Variants in MRC2 observed in about 807,000 individuals in gnomAD.
The protein encoded by MRC2 is mannose receptor C-type 2.
In MRC2, 84 loss-of-function variants were observed where a neutral mutation model predicts 206.2. The observed-to-expected ratio is 0.41, with a 90% CI of 0.34 to 0.49. MRC2 has a LOEUF of 0.49. MRC2 is among the 20% of genes least tolerant of loss of function. The probability of loss-of-function intolerance (pLI) is 0.31; values close to 1 mark genes in which losing one functional copy is unlikely to be tolerated. For synonymous variants in MRC2, 798 were observed against 800.0 expected (o/e 1.00, Z 0.04); for missense variants, 1,676 against 2,001.5 (o/e 0.84, Z 3.10).
chr17:62,630,063 T>C (rs1417380199), intron 1 of MRC2, among the ~76,000 whole-genome samples: 2 of 152,232 alleles, frequency 1.3e-5, no homozygotes, highest in African/African-American at 4.8e-5. Context: ...AGTTGCCATA[T>C]TACCGCATTT....
In MRC2 at chr17:62,627,865, C is replaced by G; in HGVS notation, c.63C>G (p.Leu21=). 2 of 1,477,924 alleles carry G rather than the reference C, an allele frequency of 1.4e-6. No individual in the cohort carries two copies. Among genetic ancestry groups the G allele is most frequent in the Non-Finnish European group, 1.8e-6 (2 of 1,121,718 alleles). The allele number at this position is 1,477,924 out of a possible 1,614,324, so 91.6% of individuals were successfully genotyped here. The stretch of plus-strand genomic sequence containing the variant: ...GTCACCTGCTGCGCTGCGTCCTGCT[C>G]CTCGGGTGCCTGCACCTCGGCCGTC... ...WPRHLLRCVL[L]LGCLHLGRPG... Residue 21 remains leucine (L), a synonymous_variant, in exon 1 of 30, where the codon CTC becomes CTG. Transcript: ENST00000303375.
chr17:62,641,610 A>G (rs1598968330), intron 1 of MRC2, among the ~76,000 whole-genome samples: 1 of 152,242 alleles, frequency 6.6e-6, no homozygotes, highest in Non-Finnish European at 1.5e-5. Context: ...TTATAGTAGC[A>G]AAAACAAAAA....
intron 1 of MRC2, among the ~76,000 whole-genome samples, chr17:62,650,544 C>A (rs2088544305): frequency 1.3e-5 from 2 of 152,238 alleles, no homozygotes; most frequent in South Asian, 4.1e-4. Context: ...ATAAGTCTGC[C>A]TGGCCATCCT....
chr17:62,692,467 C>G lies in MRC2; in HGVS notation c.*16C>G. 6.5e-7 allele frequency: 1 copy of G among 1,546,080 alleles called. No homozygotes were observed. Among genetic ancestry groups the G allele is most frequent in the Non-Finnish European group, 8.7e-7 (1 of 1,142,984 alleles). Reference sequence around the variant, plus strand: ...ACAAGAATAGAGCCAGGCGCGTGGGCAGGGCCAGGGCGGGAGGAGCTGGGG... The same window carrying G: ...ACAAGAATAGAGCCAGGCGCGTGGGGAGGGCCAGGGCGGGAGGAGCTGGGG... On this transcript the variant is annotated 3_prime_UTR_variant, in exon 30 of 30. Transcript: ENST00000303375. This position sits in a 1 kb window ranked among gnomAD's most constrained non-coding sequence, Gnocchi z 4.2.
chr17:62,650,725 A>C (rs2088546285), intron 1 of MRC2, among the ~76,000 whole-genome samples: 2 of 152,200 alleles, frequency 1.3e-5, no homozygotes, highest in African/African-American at 2.4e-5. Flanking sequence ...CTGGACGCGC[A>C]TGGTTAATGC....
intron 6 of MRC2, among the ~76,000 whole-genome samples, chr17:62,669,776 G>A (rs1364838270): frequency 6.6e-6 from 1 of 151,848 alleles, no homozygotes; most frequent in Admixed American, 6.6e-5. Context: ...GGCTGGTCTC[G>A]AACTCCTGTC....
At chr17:62,665,466 A>G (rs933752790) in intron 2 of MRC2, among the ~76,000 whole-genome samples, 5 of 152,142 alleles carry the variant, frequency 3.3e-5, no homozygotes, top group African/African-American at 1.2e-4. Flanking sequence ...AAAGCATTTA[A>G]TTTACTTTTG....
chr17:62,633,648 G>A (rs1316449538), intron 1 of MRC2, among the ~76,000 whole-genome samples: 1 of 149,740 alleles, frequency 6.7e-6, no homozygotes, highest in South Asian at 2.1e-4. Flanking sequence ...AGACCAACTT[G>A]GGCAACATGA....
chr17:62,676,632 A>G (rs780231199), intron 11 of MRC2, 101 bp downstream of exon 11: 1 of 1,415,642 alleles, frequency 7.1e-7, no homozygotes, highest in Non-Finnish European at 9.5e-7. Flanking sequence ...TAAACAGATC[A>G]TTGGTGCACT....
At position 62,670,179 on chromosome 17, in the gene MRC2, G is replaced by A. The variant is rs1181051077; in HGVS notation, c.1118-1470G>A. On this transcript the variant is annotated intron_variant, in intron 6 of 29. Coordinates refer to ENST00000303375, the MANE Select transcript of MRC2 (RefSeq NM_006039.5). ...CTCTGCACGAGGCATATTCTAGGCA[G>A]GTTCTGCTTTCCCGGTCTCATCACT... Among the ~76,000 whole-genome samples, 6 of 152,234 alleles carry A rather than the reference G, an allele frequency of 3.9e-5. No individual in the cohort carries two copies. In the East Asian group the frequency reaches 9.6e-4, roughly 24 times the overall value.
In MRC2 at chr17:62,666,971, T is replaced by A; in HGVS notation, c.973+101T>A. On this transcript the variant is annotated intron_variant, in intron 5 of 29. Coordinates refer to ENST00000303375, the MANE Select transcript of MRC2 (RefSeq NM_006039.5). This position sits in a 1 kb window ranked among gnomAD's most constrained non-coding sequence, Gnocchi z 5.0. ...CATGTCCTCCTGCAGAGGGGCAGTGTGGGTAGGGGAAGCACCGACCTCCAC... is the reference window on the plus strand; with the variant it reads ...CATGTCCTCCTGCAGAGGGGCAGTGAGGGTAGGGGAAGCACCGACCTCCAC... 2.2e-6 allele frequency: 2 copies of A among 925,794 alleles called. No homozygotes were observed. Among genetic ancestry groups the A allele is most frequent in the Non-Finnish European group, 3.4e-6 (2 of 595,722 alleles). The allele number at this position is 925,794 out of a possible 1,614,324, so 57.3% of individuals were successfully genotyped here.
rs768325150 is a variant in MRC2 at position 62,680,324 on chromosome 17, G to C, written c.2437+16G>C. 5.3e-5 allele frequency: 86 copies of C among 1,613,660 alleles called. No homozygotes were observed. Among genetic ancestry groups the C allele is most frequent in the Non-Finnish European group, 7.2e-5 (85 of 1,179,806 alleles). ...ATCCCCAGAGGTTGGCCGGAGTGGC[G>C]CTGGGGGACGCGGGATGGAGCGAAG... is the stretch of plus-strand genomic sequence containing the variant. On this transcript the variant is annotated intron_variant, in intron 15 of 29. Coordinates refer to ENST00000303375, the MANE Select transcript of MRC2 (RefSeq NM_006039.5). The surrounding 1 kb of genome is among the most constrained non-coding windows in gnomAD (Gnocchi z 4.8).
chr17:62,640,041 T>TG (rs1270216724), intron 1 of MRC2, among the ~76,000 whole-genome samples: 1 of 85,860 alleles, frequency 1.2e-5, no homozygotes, highest in African/African-American at 4.4e-5. Flanking sequence ...TTTTTTTTTT[T>TG]GTATTTTTAG....
rs1191649842 is a variant in MRC2, at chr17:62,671,968, C to A, written c.1307-30C>A. The stretch of plus-strand genomic sequence containing the variant: ...GCTGAGGCTGACCTCTCAATGTTTT[C>A]TCTCCCCTCCTCTCCTGCTGCACCC... On this transcript the variant is annotated intron_variant, in intron 7 of 29. Transcript: ENST00000303375. The surrounding 1 kb of genome is among the most constrained non-coding windows in gnomAD (Gnocchi z 4.5). 4 of 1,613,816 alleles carry A rather than the reference C, an allele frequency of 2.5e-6. No individual in the cohort carries two copies. In the African/African-American group the frequency reaches 5.3e-5, roughly 22 times the overall value.
At chr17:62,676,858 T>C (rs993517540) in intron 11 of MRC2, among the ~76,000 whole-genome samples, 1 of 152,268 alleles carries the variant, frequency 6.6e-6, no homozygotes, top group Non-Finnish European at 1.5e-5. Context: ...TCTAGATTAC[T>C]TCTCTATCTG....
Position 62,667,474 on chromosome 17 carries a change from T to C in MRC2, c.1058T>C (p.Ile353Thr). The stretch of plus-strand genomic sequence containing the variant: ...GGCTGGCAGAACCGTGACTGCAGCA[T>C]CGCGCTGCCCTATGTGTGCAAGAAG... ...SGGWQNRDCSIALPYVCKKKP... is the reference protein window; with the variant it reads ...SGGWQNRDCSTALPYVCKKKP... The change falls in exon 6 of 30, where the codon ATC becomes ACC. Residue 353 changes from isoleucine (I) to threonine (T), a missense_variant. Ile to Thr is a moderately conservative substitution (Grantham distance 89, BLOSUM62 -1). Coordinates refer to ENST00000303375, the MANE Select transcript of MRC2 (RefSeq NM_006039.5). This position sits in a 1 kb window ranked among gnomAD's most constrained non-coding sequence, Gnocchi z 4.1. 1 of 1,612,644 alleles carries C rather than the reference T, an allele frequency of 6.2e-7. No homozygotes were observed.
At chr17:62,631,700 C>T (rs1175692879) in intron 1 of MRC2, among the ~76,000 whole-genome samples, 1 of 151,990 alleles carries the variant, frequency 6.6e-6, no homozygotes, top group Non-Finnish European at 1.5e-5. Context: ...CCTTGTGGGT[C>T]CAGGAGGCCT....
chr17:62,669,221 G>T (rs1427686611), intron 6 of MRC2, among the ~76,000 whole-genome samples: 3 of 151,874 alleles, frequency 2.0e-5, no homozygotes, highest in Non-Finnish European at 4.4e-5. Flanking sequence ...TGGTTTTTTT[G>T]TTTGTTTGTT....
chr17:62,670,088 G>C (rs897513383), intron 6 of MRC2, among the ~76,000 whole-genome samples: 4 of 152,174 alleles, frequency 2.6e-5, no homozygotes, highest in Non-Finnish European at 5.9e-5. Context: ...CTGTCCTCTG[G>C]GTCTTCCCGG....
Sources: gnomAD v4.1 joint callset for allele counts (sites outside exome capture counted in the v4.1 genomes callset) on GRCh38, gnomAD v4.1.1 for gene constraint, Gnocchi (gnomAD v3.1) non-coding constraint, MANE v1.5 for transcripts, NCBI Gene and HGNC (gene_info 2026-07-23, HGNC 2026-07-21) for gene names.